CCDC171: variants seen among roughly 807,000 people sequenced by gnomAD.
CCDC171 encodes the protein coiled-coil domain containing 171, also known as coiled-coil domain-containing protein 171.
In CCDC171, 177 loss-of-function variants were observed where a neutral mutation model predicts 168.2. That is an observed-to-expected ratio of 1.05 (90% CI 0.93 to 1.19). The LOEUF is 1.19. CCDC171 is among the 50% of genes most tolerant of loss of function. CCDC171 has a pLI of 0.00. For synonymous variants in CCDC171, 687 were observed against 540.8 expected (o/e 1.27, Z -3.75); for missense variants, 1,991 against 1,539.0 (o/e 1.29, Z -4.91).
At chr9:15,589,814 A>C (rs2041851349) in intron 4 of CCDC171, among the ~76,000 whole-genome samples, 1 of 152,194 alleles carries the variant, frequency 6.6e-6, no homozygotes, top group South Asian at 2.1e-4. Context: ...AAAAAGACAG[A>C]GGTAGAAAAA....
intron 23 of CCDC171, among the ~76,000 whole-genome samples, chr9:15,872,846 C>CA (rs992683134): frequency 5.2e-4 from 79 of 150,486 alleles, no homozygotes; most frequent in African/African-American, 1.8e-3. Flanking sequence ...ACATTGGTGA[C>CA]AAAAAAAAGC....
chr9:16,033,928 C>G (rs1833413924), intron 6 of CCDC171, among the ~76,000 whole-genome samples: 1 of 152,160 alleles, frequency 6.6e-6, no homozygotes. Context: ...ACAGGGAGCT[C>G]AAGGGAGGAG....
At chr9:15,773,314 C>T (rs1005482087) in intron 18 of CCDC171, among the ~76,000 whole-genome samples, 1 of 152,154 alleles carries the variant, frequency 6.6e-6, no homozygotes, top group Non-Finnish European at 1.5e-5. Flanking sequence ...ATGGTTACTG[C>T]AGCTAAAAGT....
chr9:15,724,854 A>G lies in CCDC171; in HGVS notation c.1570A>G (p.Ile524Val). 6.2e-7 allele frequency: 1 copy of G among 1,613,828 alleles called. No homozygotes were observed. The highest frequency in any genetic ancestry group is 1.3e-5 in the African/African-American group (1 of 75,054). ...TAAATGTGCAGACCGAGAGGCTTTA[A>G]TAAGCACTTTAAAAGTGGAACTACA... ...HTKCADREAL[I>V]STLKVELQNV... Residue 524 changes from isoleucine to valine, a missense_variant, in exon 14 of 26, where the codon ATA becomes GTA. Transcript: ENST00000380701.
At chr9:16,080,136 C>T in the CCDC171 span, among the ~76,000 whole-genome samples, 3 of 152,290 alleles carry the variant, frequency 2.0e-5, no homozygotes, top group Admixed American at 6.5e-5. Flanking sequence ...GCTATGGCTT[C>T]TGGAGCCTTT....
chr9:15,556,726 C>T (rs1385437798), intron 1 of CCDC171, among the ~76,000 whole-genome samples: 5 of 151,762 alleles, frequency 3.3e-5, no homozygotes, highest in Admixed American at 6.6e-5. Flanking sequence ...TTTTGCTGTG[C>T]AGAAGCTCTT....
Position 15,559,250 on chromosome 9 carries a change from T to C in CCDC171, c.-111-4728T>C, listed in dbSNP as rs559236370. 8.7e-4 allele frequency among the ~76,000 whole-genome samples: 132 copies of C among 152,250 alleles called. No individual in the cohort carries two copies. In the Middle Eastern group the frequency reaches 0.01, roughly 12 times the overall value. ...GAATTCTGTAGATGTCTGTTAGGTCTGCTTGGTGCAGAGCTGAGTTCAATT... is the reference window on the plus strand; with the variant it reads ...GAATTCTGTAGATGTCTGTTAGGTCCGCTTGGTGCAGAGCTGAGTTCAATT... On this transcript the variant is annotated intron_variant, in intron 1 of 25. Transcript: ENST00000380701.
chr9:16,010,912 C>T (rs1832852076), intron 3 of CCDC171, among the ~76,000 whole-genome samples: 1 of 152,108 alleles, frequency 6.6e-6, no homozygotes, highest in Non-Finnish European at 1.5e-5. Flanking sequence ...GGGATACCCA[C>T]ATCTGACTGT....
intron 9 of CCDC171, among the ~76,000 whole-genome samples, chr9:15,668,765 C>T (rs2048905939): frequency 1.3e-5 from 2 of 152,138 alleles, no homozygotes; most frequent in East Asian, 3.9e-4. Context: ...GCCTGTACTT[C>T]TGACCATACT....
the CCDC171 span, among the ~76,000 whole-genome samples, chr9:16,081,965 C>G: frequency 6.6e-6 from 1 of 152,028 alleles, no homozygotes; most frequent in South Asian, 2.1e-4. Context: ...CCTCTCTTAA[C>G]TAAAGAGTAG....
At chr9:15,902,945 A>C (rs975293944) in intron 24 of CCDC171, among the ~76,000 whole-genome samples, 1 of 152,212 alleles carries the variant, frequency 6.6e-6, no homozygotes, top group Non-Finnish European at 1.5e-5. Flanking sequence ...CAAGCACAGC[A>C]GTCTGAGATC....
intron 6 of CCDC171, among the ~76,000 whole-genome samples, chr9:15,611,578 A>G (rs1160966676): frequency 6.6e-6 from 1 of 152,136 alleles, no homozygotes; most frequent in Non-Finnish European, 1.5e-5. Flanking sequence ...ACTGCCCACT[A>G]TGCAGATGTT....
At chr9:15,792,606 C>T (rs191273860) in intron 21 of CCDC171, among the ~76,000 whole-genome samples, 18 of 152,276 alleles carry the variant, frequency 1.2e-4, no homozygotes, top group African/African-American at 4.1e-4. Context: ...GGAAGCCCAT[C>T]AGACTAACAG....
At chr9:15,828,934 G>A (rs370787858) in intron 21 of CCDC171, among the ~76,000 whole-genome samples, 1 of 152,286 alleles carries the variant, frequency 6.6e-6, no homozygotes, top group South Asian at 2.1e-4. Context: ...GCATTTGGAA[G>A]ACTGGGAACT....
At chr9:16,006,657 T>C (rs919496954) in intron 3 of CCDC171, among the ~76,000 whole-genome samples, 8 of 150,928 alleles carry the variant, frequency 5.3e-5, no homozygotes, top group East Asian at 2.0e-4. Flanking sequence ...GTTCAATTCC[T>C]ACCTATGAGT....
chr9:15,692,793 C>T (rs2050910905), intron 10 of CCDC171, among the ~76,000 whole-genome samples: 1 of 150,904 alleles, frequency 6.6e-6, no homozygotes, highest in Admixed American at 6.6e-5. Flanking sequence ...TCCCAAAGTG[C>T]TGGGATTACA....
At chr9:15,643,048 C>T (rs1006736648) in intron 7 of CCDC171, among the ~76,000 whole-genome samples, 3 of 151,086 alleles carry the variant, frequency 2.0e-5, no homozygotes, top group Non-Finnish European at 4.4e-5. Flanking sequence ...CTCTCTGTGC[C>T]CTTTATTTGC....
rs772364503 is a variant in CCDC171, at chr9:15,727,961, T to C, written c.1785T>C (p.Ser595=). 4 of 1,613,506 alleles carry C rather than the reference T, an allele frequency of 2.5e-6. No individual in the cohort carries two copies. Among genetic ancestry groups the C allele is most frequent in the Non-Finnish European group, 2.5e-6 (3 of 1,179,640 alleles). ...KQPEGMLDKF[S]WSELCAVLQE... is the part of the protein sequence containing the mutation. ...CAGAAGGCATGCTGGATAAATTCTC[T>C]TGGTCTGAGCTTTGTGCAGTCTTAC... The change falls in exon 15 of 26, where the codon TCT becomes TCC. Residue 595 remains serine (S), a synonymous_variant. Transcript: ENST00000380701.
chr9:15,596,871 A>G (rs1587271947), intron 6 of CCDC171, among the ~76,000 whole-genome samples: 1 of 152,204 alleles, frequency 6.6e-6, no homozygotes, highest in African/African-American at 2.4e-5. Context: ...ATCCCTTGTA[A>G]GTTGGATTCC....
Sources: gnomAD v4.1 joint callset for allele counts (sites outside exome capture counted in the v4.1 genomes callset) on GRCh38, gnomAD v4.1.1 for gene constraint, MANE v1.5 for transcripts, NCBI Gene and HGNC (gene_info 2026-07-23, HGNC 2026-07-21) for gene names.